SELP: variants seen among roughly 807,000 people sequenced by gnomAD.
The protein encoded by SELP is P-selectin.
Under a neutral mutation model 104.1 loss-of-function variants are expected in SELP, and 92 were observed. The observed-to-expected ratio is 0.88, with a 90% confidence interval of 0.75 to 1.05. The LOEUF (loss-of-function observed/expected upper bound fraction) is 1.05. SELP is among the 50% of genes least tolerant of loss of function. The pLI is 0.00. For synonymous variants in SELP, 397 were observed against 364.5 expected (o/e 1.09, Z -1.01); for missense variants, 1,022 against 1,017.3 (o/e 1.00, Z -0.06).
intron 9 of SELP, 25 bp from the exon 10 acceptor site, chr1:169,603,236 AAAG>A (rs1662003840): frequency 1.9e-6 from 3 of 1,593,636 alleles, no homozygotes; most frequent in South Asian, 1.1e-5. Flanking sequence ...GCAGAGGAGA[AAAG>A]AAGAGATCAT....
chr1:169,593,053 T>C (rs1661423226), intron 14 of SELP, among the ~76,000 whole-genome samples: 1 of 152,218 alleles, frequency 6.6e-6, no homozygotes, highest in Non-Finnish European at 1.5e-5. Context: ...GTCTATGTTC[T>C]AATAATACCT....
chr1:169,611,052 C>A lies in SELP; in HGVS notation c.1147+440G>T, dbSNP rs2235302. On this transcript the variant is annotated intron_variant, in intron 7 of 16. Transcript: ENST00000263686. ...GGCAATTGCAGAGAATTCATTTTGGCGGAATTATGTAATTGCCTGGGATTG... is the reference window on the plus strand; with the variant it reads ...GGCAATTGCAGAGAATTCATTTTGGAGGAATTATGTAATTGCCTGGGATTG... Among the ~76,000 whole-genome samples the A allele has an allele frequency of 2.0e-5, 3 of 151,834 alleles. No homozygotes were observed. The South Asian group carries it at 6.2e-4, about 32-fold the overall frequency.
intron 14 of SELP, 131 bp from the exon 15 acceptor site, chr1:169,591,587 A>G: frequency 1.8e-6 from 1 of 551,436 alleles, no homozygotes; most frequent in Non-Finnish European, 3.2e-6. Flanking sequence ...TATAAGGGGA[A>G]TATTGGGAAC....
chr1:169,611,432 T>C, intron 7 of SELP, 60 bp downstream of exon 7: 6 of 1,561,066 alleles, frequency 3.8e-6, no homozygotes, highest in Non-Finnish European at 5.2e-6. Context: ...GCCCTTGGCC[T>C]CTCTACCATG....
Position 169,596,242 on chromosome 1 carries a change from AG to A in SELP, c.1892-109del, listed in dbSNP as rs569483656. 8.2e-4 allele frequency: 790 copies of A among 960,338 alleles called. 1 individual carries two copies. The highest frequency in any genetic ancestry group is 1.5e-3 in the South Asian group (94 of 64,820). 59.5% of individuals were successfully genotyped at this position (960,338 alleles called of 1,614,324 possible). A position where few individuals can be genotyped will look rare whatever the true frequency, so the allele number is the denominator to read the frequency against. ...CTTTTCACTCCCTTCATAACAAGGG[AG>A]GCTCCTGCAAGAGCTATTTAAGGAA... On this transcript the variant is annotated intron_variant, in intron 11 of 16. Transcript: ENST00000263686.
chr1:169,605,555 T>TA (rs1255001733), intron 9 of SELP, among the ~76,000 whole-genome samples: 4 of 152,056 alleles, frequency 2.6e-5, no homozygotes, highest in South Asian at 4.1e-4. Flanking sequence ...TTCCTTTTAG[T>TA]AAAAAATATG....
At chr1:169,616,909 C>T in intron 3 of SELP, 119 bp downstream of exon 3, 1 of 1,090,348 alleles carries the variant, frequency 9.2e-7, no homozygotes, top group Non-Finnish European at 1.3e-6. Flanking sequence ...ACAATTTACC[C>T]CTTGATTTCA....
chr1:169,622,425 A>C (rs1431601935), intron 1 of SELP, among the ~76,000 whole-genome samples: 4 of 152,242 alleles, frequency 2.6e-5, no homozygotes. Flanking sequence ...ATATGAATGA[A>C]GTTTCTCAAT....
chr1:169,616,894 G>C (rs1297265339), intron 3 of SELP, 134 bp downstream of exon 3: 1 of 920,650 alleles, frequency 1.1e-6, no homozygotes, highest in Admixed American at 2.7e-5. Context: ...AATACTGATT[G>C]ACTAACAATT....
chr1:169,623,923 T>C (rs927507277), intron 1 of SELP, among the ~76,000 whole-genome samples: 3 of 152,224 alleles, frequency 2.0e-5, no homozygotes, highest in Non-Finnish European at 4.4e-5. Context: ...AACACAGTTA[T>C]TCTTATTCTT....
At chr1:169,623,263 C>G (rs886434264) in intron 1 of SELP, among the ~76,000 whole-genome samples, 1 of 152,190 alleles carries the variant, frequency 6.6e-6, no homozygotes, top group Non-Finnish European at 1.5e-5. Flanking sequence ...GTGGTTTTCT[C>G]CCTGAACAGA....
At chr1:169,614,660 A>T (rs1662721365) in intron 3 of SELP, among the ~76,000 whole-genome samples, 1 of 152,192 alleles carries the variant, frequency 6.6e-6, no homozygotes, top group East Asian at 1.9e-4. Context: ...CATATGTCAT[A>T]TGTGGATATG....
At chr1:169,623,291 C>T (rs968276377) in intron 1 of SELP, among the ~76,000 whole-genome samples, 1 of 152,158 alleles carries the variant, frequency 6.6e-6, no homozygotes, top group African/African-American at 2.4e-5. Flanking sequence ...TAGGGATTTC[C>T]CTGGCTTTGG....
Position 169,596,125 on chromosome 1 carries a change from G to A in SELP, c.1901C>T (p.Ser634Leu). Residue 634 changes from serine to leucine, a missense_variant, in exon 12 of 17, where the codon TCA (serine) becomes TTA (leucine). By Grantham distance (145) the Ser-to-Leu change is moderately radical. Coordinates refer to ENST00000263686, the MANE Select transcript of SELP (RefSeq NM_003005.4). Reference sequence around the variant, plus strand: ...ACATTGCACCCCTGGAGTAGGAAGTGATGCTATGCCTGTTGTGAGAAAATG... The same window carrying A: ...ACATTGCACCCCTGGAGTAGGAAGTAATGCTATGCCTGTTGTGAGAAAATG... ...ATPPTCKGIA[S>L]LPTPGVQCPA... 6.2e-7 allele frequency: 1 copy of A among 1,613,558 alleles called. No individual in the cohort carries two copies. The highest frequency in any genetic ancestry group is 1.1e-5 in the South Asian group (1 of 91,052).
At position 169,590,172 on chromosome 1, in the gene SELP, G is replaced by A. The variant is rs371617457; in HGVS notation, c.2469C>T (p.Asn823=). The change falls in exon 16 of 17, where the codon AAC becomes AAT. Residue 823 remains asparagine (N), a synonymous_variant. Transcript: ENST00000263686. The part of the protein sequence containing the change: ...SHLGTYGVFT[N]AAFDPSP ...CTTAAGGACTCGGGTCAAATGCAGC[G>A]TTTGTAAAAACTCCATATGTTCCTA... is the stretch of plus-strand genomic sequence containing the variant. 5.3e-5 allele frequency: 85 copies of A among 1,612,856 alleles called. 1 individual carries two copies. Among genetic ancestry groups the A allele is most frequent in the Non-Finnish European group, 6.5e-5 (77 of 1,179,108 alleles).
chr1:169,603,090 A>G lies in SELP; in HGVS notation c.1641T>C (p.Ser547=), dbSNP rs1661990186. The G allele has an allele frequency of 1.2e-6, 2 of 1,614,030 alleles. No individual in the cohort carries two copies. The highest frequency in any genetic ancestry group is 1.7e-6 in the Non-Finnish European group (2 of 1,180,006). The change falls in exon 10 of 17, where the codon TCT becomes TCC. Residue 547 remains serine, a synonymous_variant. Transcript: ENST00000263686. The part of the protein sequence containing the change: ...QFICDEGYSL[S]GPERLDCTRS... ...GAGTACAATCCAATCTTTCTGGTCC[A>G]GACAAAGAATATCCCTCGTCACAGA...
At chr1:169,612,516 T>G in intron 5 of SELP, 114 bp from the exon 6 acceptor site, 1 of 904,066 alleles carries the variant, frequency 1.1e-6, no homozygotes, top group Non-Finnish European at 1.7e-6. Context: ...GGCAGGTTGA[T>G]GCACTAGAAT....
chr1:169,603,003 G>A (rs1571636140), intron 10 of SELP, 23 bp downstream of exon 10: 2 of 1,588,452 alleles, frequency 1.3e-6, no homozygotes, highest in Non-Finnish European at 8.6e-7. Flanking sequence ...AAAGCCATAA[G>A]AAAGGACAGA....
intron 1 of SELP, among the ~76,000 whole-genome samples, chr1:169,625,968 A>G (rs1248777930): frequency 1.3e-5 from 2 of 152,256 alleles, no homozygotes; most frequent in African/African-American, 4.8e-5. Context: ...CTTATGTGAT[A>G]GAATGACTGT....
Sources: allele counts gnomAD v4.1 joint callset (sites outside exome capture counted in the v4.1 genomes callset), GRCh38; gene constraint gnomAD v4.1.1; transcripts MANE v1.5; gene names NCBI Gene and HGNC (gene_info 2026-07-23, HGNC 2026-07-21).